The following FILIP1L variants were observed in gnomAD, a reference collection of about 807,000 sequenced individuals.
FILIP1L encodes filamin A interacting protein 1 like, also known as filamin A-interacting protein 1-like.
FILIP1L carries 55 observed loss-of-function variants against 96.6 expected under a neutral mutation model. The ratio of observed to expected loss-of-function variants is 0.57; its 90% CI spans 0.46 to 0.71. The LOEUF (loss-of-function observed/expected upper bound fraction) is 0.71. Ranked by LOEUF, FILIP1L falls within the 30% of genes least tolerant of loss-of-function variation. The pLI, the probability that FILIP1L is intolerant of heterozygous loss-of-function variation, is 0.00. For synonymous variants in FILIP1L, 467 were observed against 473.9 expected, an observed-to-expected ratio of 0.99 and a Z score of 0.19; for missense variants, 1,304 against 1,321.2, an observed-to-expected ratio of 0.99 and a Z score of 0.20.
chr3:99,944,300 A>G (rs1309287224), intron 1 of FILIP1L, among the ~76,000 whole-genome samples: 1 of 152,202 alleles, frequency 6.6e-6, no homozygotes, highest in African/African-American at 2.4e-5. Flanking sequence ...ATAGGGAACT[A>G]TGATCCTGCC....
At chr3:100,052,769 A>T (rs865983195) in intron 1 of FILIP1L, among the ~76,000 whole-genome samples, 1 of 152,212 alleles carries the variant, frequency 6.6e-6, no homozygotes, top group Non-Finnish European at 1.5e-5. Flanking sequence ...CAGTTGTTTG[A>T]GTATATACTG....
rs76396559 is a variant in FILIP1L, at chr3:99,919,679, A to T, written c.605+4551T>A. 3.6e-4 allele frequency among the ~76,000 whole-genome samples: 55 copies of T among 152,230 alleles called. No homozygotes were observed. In the East Asian group the frequency reaches 0.01, roughly 28 times the overall value. On this transcript the variant is annotated intron_variant, in intron 4 of 5. Transcript: ENST00000477258. The stretch of plus-strand genomic sequence containing the variant: ...TAACAGTAGGGTCAAATATGGCTCA[A>T]GCAGTGTTTTAGTCACCTTGTCTGA...
At chr3:100,049,264 C>T (rs1205094659) in intron 1 of FILIP1L, among the ~76,000 whole-genome samples, 1 of 152,116 alleles carries the variant, frequency 6.6e-6, no homozygotes, top group Non-Finnish European at 1.5e-5. Flanking sequence ...CATTTATCAT[C>T]TGTTTTTGAG....
intron 1 of FILIP1L, among the ~76,000 whole-genome samples, chr3:100,054,495 ATGT>A (rs1459088582): frequency 6.0e-5 from 2 of 33,516 alleles, no homozygotes; most frequent in South Asian, 2.1e-3. Context: ...ATGTTTTGTT[ATGT>A]TATGTTATGT....
chr3:99,925,032 A>G (rs1707247745), intron 3 of FILIP1L, among the ~76,000 whole-genome samples: 1 of 152,204 alleles, frequency 6.6e-6, no homozygotes, highest in Non-Finnish European at 1.5e-5. Flanking sequence ...AAGAAATGAC[A>G]GGAAGTAAGA....
At chr3:99,853,061 C>T (rs1243180727) in intron 4 of FILIP1L, among the ~76,000 whole-genome samples, 2 of 152,174 alleles carry the variant, frequency 1.3e-5, no homozygotes, top group African/African-American at 2.4e-5. Context: ...CCCATGGTTT[C>T]TGGCCATGCC....
At chr3:100,004,470 G>A (rs1203164941) in intron 1 of FILIP1L, among the ~76,000 whole-genome samples, 1 of 152,200 alleles carries the variant, frequency 6.6e-6, no homozygotes, top group Non-Finnish European at 1.5e-5. Context: ...AAAATCCAAT[G>A]AGGTCACCCA....
intron 1 of FILIP1L, among the ~76,000 whole-genome samples, chr3:99,971,345 A>G (rs914995464): frequency 9.9e-5 from 15 of 151,668 alleles, no homozygotes; most frequent in Non-Finnish European, 2.1e-4. Context: ...AAAAAAAAAA[A>G]AAAAGAGAAT....
intron 1 of FILIP1L, among the ~76,000 whole-genome samples, chr3:100,012,786 G>T (rs1710198405): frequency 1.4e-5 from 2 of 140,020 alleles, no homozygotes; most frequent in Non-Finnish European, 3.1e-5. Flanking sequence ...TTTTGGGTTG[G>T]GGGAGGGACA....
chr3:100,029,119 A>G (rs1358296986), intron 1 of FILIP1L, among the ~76,000 whole-genome samples: 2 of 152,036 alleles, frequency 1.3e-5, no homozygotes. Context: ...TGAGCTCAGG[A>G]GTTCCAAGCC....
chr3:100,063,036 G>C (rs2065601439), intron 1 of FILIP1L, among the ~76,000 whole-genome samples: 1 of 152,230 alleles, frequency 6.6e-6, no homozygotes, highest in Non-Finnish European at 1.5e-5. Flanking sequence ...GCATCCTCAA[G>C]ATGGCATTTG....
intron 3 of FILIP1L, 64 bp from the exon 4 acceptor site, chr3:99,924,472 T>A: frequency 6.9e-7 from 1 of 1,451,204 alleles, no homozygotes. Flanking sequence ...TTTCACTCTT[T>A]TAGAAATGTC....
intron 1 of FILIP1L, among the ~76,000 whole-genome samples, chr3:100,071,304 A>T (rs1017685060): frequency 1.3e-5 from 2 of 152,168 alleles, no homozygotes; most frequent in Admixed American, 1.3e-4. Context: ...AGAAACTTGT[A>T]CATCAAGAAG....
intron 1 of FILIP1L, among the ~76,000 whole-genome samples, chr3:100,092,769 C>G (rs1182440267): frequency 1.3e-5 from 2 of 151,150 alleles, no homozygotes; most frequent in African/African-American, 4.9e-5. Context: ...TCTTATCTCC[C>G]TGCATTCAGC....
chr3:100,088,860 CT>C (rs972098130), intron 1 of FILIP1L, among the ~76,000 whole-genome samples: 2 of 151,766 alleles, frequency 1.3e-5, no homozygotes, highest in Admixed American at 6.6e-5. Context: ...ATTTAGTGAG[CT>C]TTTTTTTCCT....
intron 4 of FILIP1L, among the ~76,000 whole-genome samples, chr3:99,876,768 T>A (rs1705546990): frequency 6.6e-6 from 1 of 152,188 alleles, no homozygotes; most frequent in Admixed American, 6.5e-5. Flanking sequence ...GATGAAATCT[T>A]ATTTTTTTCA....
Position 99,865,770 on chromosome 3 carries a change from A to C in FILIP1L, c.606-14700T>G, listed in dbSNP as rs183009365. Among the ~76,000 whole-genome samples the C allele has an allele frequency of 9.5e-4, 145 of 151,906 alleles. No homozygotes were observed. The East Asian group carries it at 0.019, about 20-fold the overall frequency. On this transcript the variant is annotated intron_variant, in intron 4 of 5. Transcript: ENST00000477258. ...CATAATAATAAATATATATATATAT[A>C]TCCTTAGAAATATGTGTGTATGTAT...
At chr3:100,007,192 T>C (rs1710012831) in intron 1 of FILIP1L, among the ~76,000 whole-genome samples, 1 of 152,222 alleles carries the variant, frequency 6.6e-6, no homozygotes, top group Non-Finnish European at 1.5e-5. Context: ...TCTTAAGGCT[T>C]TTATTGCTTT....
intron 1 of FILIP1L, among the ~76,000 whole-genome samples, chr3:100,093,084 A>G (rs995888355): frequency 6.6e-6 from 1 of 152,104 alleles, no homozygotes; most frequent in African/African-American, 2.4e-5. Context: ...GAATGGAAAA[A>G]ATTGAAGTGT....
Sources: gnomAD v4.1 joint callset for allele counts (sites outside exome capture counted in the v4.1 genomes callset) on GRCh38, gnomAD v4.1.1 for gene constraint, MANE v1.5 for transcripts, NCBI Gene and HGNC (gene_info 2026-07-23, HGNC 2026-07-21) for gene names.